The following PDE4D variants were observed in gnomAD, a reference collection of about 807,000 sequenced individuals.
The protein encoded by PDE4D is phosphodiesterase 4D.
In PDE4D, 24 loss-of-function variants were observed where a neutral mutation model predicts 87.4. The ratio of observed to expected loss-of-function variants is 0.27; its 90% CI spans 0.20 to 0.39. The LOEUF is 0.39. Among genes scored for constraint, PDE4D ranks in the 10% least tolerant of loss-of-function variants. PDE4D has a pLI of 1.00. For missense variants in PDE4D, 714 were observed against 1,041.0 expected, an observed-to-expected ratio of 0.69 and a Z score of 4.32; for synonymous variants, 384 against 383.2, an observed-to-expected ratio of 1.00 and a Z score of -0.02.
intron 1 of PDE4D, among the ~76,000 whole-genome samples, chr5:60,249,809 A>G (rs1167260424): frequency 2.0e-5 from 3 of 152,048 alleles, no homozygotes; most frequent in Non-Finnish European, 4.4e-5. Flanking sequence ...TATTTTAAAT[A>G]AAGCAGAAAC....
chr5:59,578,817 G>A (rs764918097), intron 1 of PDE4D, among the ~76,000 whole-genome samples: 3 of 151,960 alleles, frequency 2.0e-5, no homozygotes, highest in Non-Finnish European at 4.4e-5. Flanking sequence ...TATCCCAGAG[G>A]GTGTCATGTC....
At chr5:60,050,496 G>T (rs1582389050) in intron 2 of PDE4D, among the ~76,000 whole-genome samples, 1 of 152,290 alleles carries the variant, frequency 6.6e-6, no homozygotes, top group East Asian at 1.9e-4. Flanking sequence ...GAGAGATTTT[G>T]TCACCACCAG....
At chr5:59,202,518 A>G (rs1747722510) in intron 2 of PDE4D, among the ~76,000 whole-genome samples, 1 of 151,832 alleles carries the variant, frequency 6.6e-6, no homozygotes, top group South Asian at 2.1e-4. Flanking sequence ...GCAAACCACT[A>G]TTTTTATTTC....
At chr5:59,391,770 C>T (rs538480851) in intron 1 of PDE4D, among the ~76,000 whole-genome samples, 1 of 152,032 alleles carries the variant, frequency 6.6e-6, no homozygotes, top group East Asian at 1.9e-4. Flanking sequence ...TTTGTACCTC[C>T]TTCATGTTTG....
intron 2 of PDE4D, among the ~76,000 whole-genome samples, chr5:59,195,549 C>T (rs1003061516): frequency 6.6e-5 from 10 of 152,166 alleles, no homozygotes; most frequent in Admixed American, 6.5e-4. Flanking sequence ...ATCACAGAGC[C>T]CTTGTATGAA....
chr5:59,707,210 CAT>C (rs1335069705), intron 1 of PDE4D, among the ~76,000 whole-genome samples: 4 of 152,142 alleles, frequency 2.6e-5, no homozygotes, highest in Non-Finnish European at 2.9e-5. Flanking sequence ...GTAAAAATGA[CAT>C]AGTACATGTT....
chr5:59,142,049 C>T (rs969695860), intron 5 of PDE4D, among the ~76,000 whole-genome samples: 1 of 152,040 alleles, frequency 6.6e-6, no homozygotes, highest in African/African-American at 2.4e-5. Context: ...TGTCTCTGCA[C>T]AAGCCTGAAA....
intron 1 of PDE4D, chr5:59,558,464 A>G (rs1819362479): frequency 1.3e-5 from 2 of 151,678 alleles, no homozygotes; most frequent in Non-Finnish European, 2.9e-5. Context: ...ATGTGCTGAG[A>G]AAAAAAAAGT....
chr5:59,404,740 T>TAGTTTGA (rs1791325965), intron 1 of PDE4D, among the ~76,000 whole-genome samples: 2 of 152,310 alleles, frequency 1.3e-5, no homozygotes, highest in South Asian at 4.1e-4. Flanking sequence ...AATAGTTTTA[T>TAGTTTGA]AGTTTGAAGT....
intron 1 of PDE4D, among the ~76,000 whole-genome samples, chr5:59,371,596 GA>G (rs1174463757): frequency 3.3e-5 from 5 of 151,936 alleles, no homozygotes; most frequent in African/African-American, 1.2e-4. Flanking sequence ...TTGTTTAGCT[GA>G]AAAAAAGGTC....
At chr5:60,506,646 C>T (rs778085635) in intron 1 of PDE4D, among the ~76,000 whole-genome samples, 16 of 151,450 alleles carry the variant, frequency 1.1e-4, no homozygotes, top group Non-Finnish European at 1.8e-4. Flanking sequence ...GCAAGAGAGG[C>T]CAGAGTTGCA....
intron 5 of PDE4D, among the ~76,000 whole-genome samples, chr5:59,092,020 C>T (rs534787817): frequency 9.2e-5 from 14 of 152,018 alleles, no homozygotes; most frequent in Non-Finnish European, 1.8e-4. Flanking sequence ...ATTTTTCTCC[C>T]CAAAACTGCC....
intron 1 of PDE4D, among the ~76,000 whole-genome samples, chr5:59,724,633 C>T (rs1275393607): frequency 6.6e-6 from 1 of 152,042 alleles, no homozygotes; most frequent in Non-Finnish European, 1.5e-5. Context: ...CTTTTATTGG[C>T]TTGTCCACAG....
At position 59,064,626 on chromosome 5, in the gene PDE4D, G is replaced by C. The variant is rs553340320; in HGVS notation, c.809-25655C>G. 9.9e-5 allele frequency among the ~76,000 whole-genome samples: 15 copies of C among 152,228 alleles called. No homozygotes were observed. The East Asian group carries it at 1.7e-3, about 18-fold the overall frequency. ...AATATTCTGCACACCATGGTGATTT[G>C]TTAATTCAGTTGGATCTCTATTAAA... On this transcript the variant is annotated intron_variant, in intron 5 of 14. Coordinates refer to ENST00000340635, the MANE Select transcript of PDE4D (RefSeq NM_001104631.2).
intron 3 of PDE4D, among the ~76,000 whole-genome samples, chr5:59,907,796 C>T (rs1753002080): frequency 6.6e-6 from 1 of 152,106 alleles, no homozygotes; most frequent in Non-Finnish European, 1.5e-5. Context: ...ATTCAAGGAC[C>T]TAGTTCTGAC....
rs79122637 is a variant in PDE4D, at chr5:60,352,608, T to C, written c.-90+135334A>G. 2.7e-3 allele frequency among the ~76,000 whole-genome samples: 414 copies of C among 152,338 alleles called. 4 individuals carry two copies. The highest frequency in any genetic ancestry group is 9.6e-3 in the African/African-American group (400 of 41,580). On this transcript the variant is annotated intron_variant, in intron 1 of 16. Coordinates refer to the PDE4D transcript ENST00000502484. ...CTAGAATATTGGTATTTTCAATCTC[T>C]AGTTTGAATGACAGGACCCTGAAGG...
At chr5:60,383,409 G>C (rs142729996) in intron 1 of PDE4D, among the ~76,000 whole-genome samples, 9 of 152,272 alleles carry the variant, frequency 5.9e-5, no homozygotes, top group Admixed American at 3.3e-4. Flanking sequence ...TTGCCTAATG[G>C]AAATGCCTTC....
intron 5 of PDE4D, among the ~76,000 whole-genome samples, chr5:59,051,513 C>T (rs914789259): frequency 3.3e-5 from 5 of 152,154 alleles, no homozygotes; most frequent in African/African-American, 1.2e-4. Flanking sequence ...AAACATTTCC[C>T]AAAGAATGTT....
intron 2 of PDE4D, among the ~76,000 whole-genome samples, chr5:60,053,340 GAT>G (rs1770409987): frequency 6.6e-6 from 1 of 152,138 alleles, no homozygotes. Flanking sequence ...TACCAAAACA[GAT>G]ATATAGACAA....
Sources: gnomAD v4.1 joint callset for allele counts (sites outside exome capture counted in the v4.1 genomes callset) on GRCh38, gnomAD v4.1.1 for gene constraint, MANE v1.5 for transcripts, NCBI Gene and HGNC (gene_info 2026-07-23, HGNC 2026-07-21) for gene names.